Variants in TXLNG observed in about 807,000 individuals in gnomAD.
TXLNG encodes the protein gamma-taxilin.
A neutral mutation model predicts 38.8 loss-of-function variants in TXLNG; 5 were observed. The observed-to-expected ratio is 0.13, with a 90% CI of 0.07 to 0.27. The LOEUF is 0.27. Ranked by LOEUF, TXLNG falls within the 10% of genes least tolerant of loss-of-function variation. The pLI, the probability that TXLNG is intolerant of heterozygous loss-of-function variation, is 1.00. For missense variants in TXLNG, 393 were observed against 398.2 expected (o/e 0.99, Z 0.11); for synonymous variants, 182 against 158.2 (o/e 1.15, Z -1.13).
At chrX:16,818,442 A>G in intron 1 of TXLNG, 132 bp from the exon 2 acceptor site, 1 of 675,484 alleles carries the variant, frequency 1.5e-6, no homozygotes, top group Non-Finnish European at 2.2e-6. Context: ...AGAAAGTACC[A>G]TATTTACATC....
At chrX:16,825,893 T>A (rs1461132256) in intron 3 of TXLNG, among the ~76,000 whole-genome samples, 2 of 112,287 alleles carry the variant, frequency 1.8e-5, no homozygotes, top group Non-Finnish European at 3.8e-5. Flanking sequence ...ACGCCAACAA[T>A]GTGGATGAGT....
intron 3 of TXLNG, among the ~76,000 whole-genome samples, chrX:16,823,855 A>G (rs1403814829): frequency 9.0e-6 from 1 of 111,587 alleles, no homozygotes; most frequent in African/African-American, 3.3e-5. Context: ...TTATAGCATA[A>G]TAATCTTAAT....
chrX:16,827,518 ATCCT>A (rs1929213818), intron 3 of TXLNG, among the ~76,000 whole-genome samples: 1 of 111,727 alleles, frequency 9.0e-6, no homozygotes, highest in African/African-American at 3.3e-5. Context: ...GAAGGGCATC[ATCCT>A]TCAAAAAGCA....
chrX:16,834,755 C>G (rs1293864073), intron 7 of TXLNG, among the ~76,000 whole-genome samples: 1 of 112,201 alleles, frequency 8.9e-6, no homozygotes, highest in East Asian at 2.8e-4. Flanking sequence ...TATTTTGTAT[C>G]AAGTTGAACC....
At chrX:16,802,486 G>C (rs1371048274) in intron 1 of TXLNG, among the ~76,000 whole-genome samples, 1 of 109,451 alleles carries the variant, frequency 9.1e-6, no homozygotes, top group Admixed American at 9.8e-5. Flanking sequence ...CCTGACCTCA[G>C]GTGATCCGTC....
At chrX:16,816,877 A>G (rs1030518615) in intron 1 of TXLNG, among the ~76,000 whole-genome samples, 1 of 112,140 alleles carries the variant, frequency 8.9e-6, no homozygotes, top group Non-Finnish European at 1.9e-5. Context: ...ACAAATCATA[A>G]ATGTTAGGCT....
chrX:16,825,715 A>G (rs1929142641), intron 3 of TXLNG, among the ~76,000 whole-genome samples: 1 of 112,032 alleles, frequency 8.9e-6, no homozygotes, highest in African/African-American at 3.2e-5. Context: ...CTGTGGGCCA[A>G]ATGCATCCGA....
intron 9 of TXLNG, chrX:16,840,391 G>T (rs1002557262): frequency 9.6e-6 from 7 of 732,608 alleles, no homozygotes; most frequent in Middle Eastern, 7.7e-4. Flanking sequence ...TGACTTATTA[G>T]GCTTTCAAAA....
At chrX:16,830,197 A>G (rs1929339892) in intron 5 of TXLNG, among the ~76,000 whole-genome samples, 1 of 108,426 alleles carries the variant, frequency 9.2e-6, no homozygotes, top group African/African-American at 3.4e-5. Flanking sequence ...TTTTTTTTAA[A>G]TGAGGGCTTT....
intron 1 of TXLNG, among the ~76,000 whole-genome samples, chrX:16,799,094 G>A (rs1927987878): frequency 3.6e-5 from 4 of 110,391 alleles, no homozygotes; most frequent in East Asian, 5.8e-4. Context: ...GGTCAGGGTG[G>A]TCTTGAACTC....
At chrX:16,820,114 G>T in intron 2 of TXLNG, 50 bp from the exon 3 acceptor site, 1 of 1,011,462 alleles carries the variant, frequency 9.9e-7, no homozygotes, top group Non-Finnish European at 1.4e-6. Context: ...TTACAGGTTA[G>T]ATTTGATCTC....
At position 16,837,368 on chromosome X, in the gene TXLNG, T is replaced by C. The variant is rs1159923553; in HGVS notation, c.1060-225T>C. ...ATCCTTCAGGCTGTGTTATGACCAA[T>C]GGGTGGAGATCTAATATTAAAGTCA... On this transcript the variant is annotated intron_variant, in intron 7 of 9. Transcript: ENST00000380122. Among the ~76,000 whole-genome samples, 3 of 111,965 alleles carry C rather than the reference T, an allele frequency of 2.7e-5. No individual in the cohort carries two copies. In the East Asian group the frequency reaches 8.4e-4, roughly 31 times the overall value.
chrX:16,841,583 G>C lies in TXLNG; in HGVS notation c.1404G>C (p.Ala468=), dbSNP rs150094901. The C allele has an allele frequency of 2.5e-6, 3 of 1,211,519 alleles. No homozygotes were observed. The highest frequency in any genetic ancestry group is 2.2e-5 in the Admixed American group (1 of 45,971). ...CCATCAAAGCGGCCATCAAAGCGGC[G>C]AACAGGGATTTAGCAACACCTGTGA... is the stretch of plus-strand genomic sequence containing the variant. The part of the protein sequence containing the change: ...QVSIKAAIKA[A]NRDLATPVMQ... The change falls in exon 10 of 10, where the codon GCG becomes GCC. Residue 468 remains alanine (A), a synonymous_variant. Coordinates refer to ENST00000380122, the MANE Select transcript of TXLNG (RefSeq NM_018360.3).
Position 16,839,899 on chromosome X carries a change from C to T in TXLNG, c.1231C>T (p.Leu411=). The part of the protein sequence containing the change: ...TKWENNNKAL[L]QMAEEKTVRD... Reference sequence around the variant, plus strand: ...ATGGGAAAACAATAATAAAGCACTTCTGCAAATGGCTGAAGAGGTGAGATG... The same window carrying T: ...ATGGGAAAACAATAATAAAGCACTTTTGCAAATGGCTGAAGAGGTGAGATG... The change falls in exon 9 of 10, where the codon CTG becomes TTG. Residue 411 remains leucine (L), a synonymous_variant. Transcript: ENST00000380122. 1 of 1,197,447 alleles carries T rather than the reference C, an allele frequency of 8.4e-7. No individual in the cohort carries two copies. The highest frequency in any genetic ancestry group is 1.1e-6 in the Non-Finnish European group (1 of 886,437).
In TXLNG at chrX:16,818,717, G is replaced by A; in HGVS notation, c.246G>A (p.Glu82=). The change falls in exon 2 of 10, where the codon GAG becomes GAA. Residue 82 remains glutamate, a synonymous_variant. Transcript: ENST00000380122. ...CAAGTAACAAGCATTCATTGGAAGA[G>A]GATGAAGGCAGTGACTTTATAACAG... is the stretch of plus-strand genomic sequence containing the variant. ...GGTSNKHSLE[E]DEGSDFITEN... 8.3e-7 allele frequency: 1 copy of A among 1,212,018 alleles called. No individual in the cohort carries two copies. The highest frequency in any genetic ancestry group is 1.1e-6 in the Non-Finnish European group (1 of 895,619).
chrX:16,822,077 G>T (rs1928990959), intron 3 of TXLNG, among the ~76,000 whole-genome samples: 1 of 109,696 alleles, frequency 9.1e-6, no homozygotes, highest in South Asian at 3.9e-4. Flanking sequence ...AGTGGCTCAC[G>T]CCTGTAATCC....
intron 9 of TXLNG, among the ~76,000 whole-genome samples, chrX:16,841,119 C>T (rs1364759557): frequency 8.3e-5 from 9 of 108,829 alleles, no homozygotes; most frequent in Admixed American, 6.9e-4. Flanking sequence ...CACCTCAACC[C>T]AGGAGGCAGA....
intron 1 of TXLNG, among the ~76,000 whole-genome samples, chrX:16,803,877 G>A (rs1341566374): frequency 1.1e-4 from 12 of 109,573 alleles, no homozygotes; most frequent in Non-Finnish European, 1.9e-4. Flanking sequence ...GCTTGAACCC[G>A]GGAGGCGGAG....
Position 16,841,684 on chromosome X carries a change from A to C in TXLNG, c.1505A>C (p.Glu502Ala). 2 of 1,212,059 alleles carry C rather than the reference A, an allele frequency of 1.7e-6. No individual in the cohort carries two copies. Among genetic ancestry groups the C allele is most frequent in the East Asian group, 5.9e-5 (2 of 33,858 alleles). Reference protein sequence around the residue: ...SSKRALGAHLEAEPKSQRSAV... With the variant: ...SSKRALGAHLAAEPKSQRSAV... ...AAAAGAGCCCTGGGAGCGCACCTGG[A>C]GGCTGAGCCCAAGAGTCAGAGAAGC... Residue 502 changes from glutamate to alanine, a missense_variant, in exon 10 of 10, where the codon GAG (glutamate) becomes GCG (alanine). Glu to Ala is a moderately radical substitution (Grantham distance 107, BLOSUM62 -1). Coordinates refer to ENST00000380122, the MANE Select transcript of TXLNG (RefSeq NM_018360.3).
Sources: allele counts gnomAD v4.1 joint callset (sites outside exome capture counted in the v4.1 genomes callset), GRCh38; gene constraint gnomAD v4.1.1; transcripts MANE v1.5; gene names NCBI Gene and HGNC (gene_info 2026-07-23, HGNC 2026-07-21).